NKAIN3: variants seen among roughly 807,000 people sequenced by gnomAD.
NKAIN3 encodes the protein sodium/potassium transporting ATPase interacting 3, also known as sodium/potassium-transporting ATPase subunit beta-1-interacting protein 3.
Under a neutral mutation model 30.2 loss-of-function variants are expected in NKAIN3, and 25 were observed. The observed-to-expected ratio is 0.83, with a 90% CI of 0.60 to 1.16. The LOEUF (loss-of-function observed/expected upper bound fraction) is 1.16, where lower values mean the gene tolerates loss of function less well. Ranked by LOEUF, NKAIN3 falls within the 50% of genes most tolerant of loss-of-function variation. NKAIN3 has a pLI of 0.00. For synonymous variants in NKAIN3, 91 were observed against 89.6 expected, an observed-to-expected ratio of 1.02 and a Z score of -0.09; for missense variants, 225 against 254.1, an observed-to-expected ratio of 0.89 and a Z score of 0.78.
chr8:62,284,133 G>T (rs1020651878), intron 1 of NKAIN3, among the ~76,000 whole-genome samples: 2 of 152,022 alleles, frequency 1.3e-5, no homozygotes, highest in Non-Finnish European at 2.9e-5. Context: ...TCCCAGAAGG[G>T]GTATCAGAGA....
intron 1 of NKAIN3, among the ~76,000 whole-genome samples, chr8:62,513,713 A>G (rs1807885667): frequency 6.6e-6 from 1 of 151,864 alleles, no homozygotes. Flanking sequence ...ACAAAAAAAG[A>G]TACAAAAATT....
chr8:62,380,125 A>G (rs1469238878), intron 1 of NKAIN3, among the ~76,000 whole-genome samples: 1 of 152,218 alleles, frequency 6.6e-6, no homozygotes, highest in South Asian at 2.1e-4. Context: ...CATTGTTAAC[A>G]TGTATTTGTT....
intron 4 of NKAIN3, among the ~76,000 whole-genome samples, chr8:62,904,052 GAC>G (rs1451993088): frequency 6.6e-6 from 1 of 152,166 alleles, no homozygotes; most frequent in East Asian, 1.9e-4. Context: ...TGAACCCTTG[GAC>G]AAAGCTGAGC....
intron 1 of NKAIN3, among the ~76,000 whole-genome samples, chr8:62,578,247 C>T (rs1327748940): frequency 1.3e-5 from 2 of 152,050 alleles, no homozygotes; most frequent in Non-Finnish European, 2.9e-5. Context: ...TTGGTATTCA[C>T]TGGACCATAT....
chr8:62,302,852 T>A (rs144282052), intron 1 of NKAIN3, among the ~76,000 whole-genome samples: 1 of 151,018 alleles, frequency 6.6e-6, no homozygotes, highest in African/African-American at 2.5e-5. Flanking sequence ...AGATTCACAG[T>A]TTGTTTTCTC....
At position 62,968,785 on chromosome 8, in the gene NKAIN3, T is replaced by TG. The variant is rs1197789409; in HGVS notation, c.*3379dup. 6.6e-6 allele frequency among the ~76,000 whole-genome samples: 1 copy of TG among 152,196 alleles called. No homozygotes were observed. The highest frequency in any genetic ancestry group is 1.9e-4 in the East Asian group (1 of 5,198). On this transcript the variant is annotated 3_prime_UTR_variant, in exon 7 of 7. Coordinates refer to ENST00000623646, the MANE Select transcript of NKAIN3 (RefSeq NM_001304533.3). ...GCATCCTTTCTTAAGCGTCTTCTGC[T>TG]GACCTCGTGCAGCACCGCAGGAAGC... is the stretch of plus-strand genomic sequence containing the variant.
At chr8:62,297,939 A>G (rs1391205539) in intron 1 of NKAIN3, among the ~76,000 whole-genome samples, 1 of 152,130 alleles carries the variant, frequency 6.6e-6, no homozygotes, top group Non-Finnish European at 1.5e-5. Flanking sequence ...TCCAACAATG[A>G]TAGACTGGGT....
At chr8:62,515,834 G>T (rs190469787) in intron 1 of NKAIN3, among the ~76,000 whole-genome samples, 57 of 152,082 alleles carry the variant, frequency 3.7e-4, no homozygotes, top group Admixed American at 3.7e-3. Flanking sequence ...CTGAATATTT[G>T]TTCATATACT....
At chr8:62,646,360 G>T (rs1432473726) in intron 3 of NKAIN3, among the ~76,000 whole-genome samples, 1 of 152,146 alleles carries the variant, frequency 6.6e-6, no homozygotes, top group Non-Finnish European at 1.5e-5. Flanking sequence ...ACAGAGCAGA[G>T]AGTTAGGTTT....
At chr8:62,453,858 C>T (rs1423420525) in intron 1 of NKAIN3, among the ~76,000 whole-genome samples, 1 of 151,944 alleles carries the variant, frequency 6.6e-6, no homozygotes, top group Admixed American at 6.6e-5. Flanking sequence ...AGACCAATAA[C>T]AAGTTCTGAA....
At chr8:62,932,995 AACACACAC>A (rs59854103) in intron 5 of NKAIN3, among the ~76,000 whole-genome samples, 3 of 141,790 alleles carry the variant, frequency 2.1e-5, no homozygotes, top group Non-Finnish European at 3.0e-5. Flanking sequence ...TCACTCAATG[AACACACAC>A]ACACACACAC....
Position 62,899,595 on chromosome 8 carries a change from G to A in NKAIN3, c.472-18858G>A, listed in dbSNP as rs185558633. ...GTTACCAGAGGCTGGGAAGGGTAGCGGGAGGGGTTAGAGGAGCTGGGGATG... is the reference window on the plus strand; with the variant it reads ...GTTACCAGAGGCTGGGAAGGGTAGCAGGAGGGGTTAGAGGAGCTGGGGATG... On this transcript the variant is annotated intron_variant, in intron 4 of 6. Transcript: ENST00000623646. Among the ~76,000 whole-genome samples, 32 of 152,210 alleles carry A rather than the reference G, an allele frequency of 2.1e-4. 1 individual carries two copies. The East Asian group carries it at 5.0e-3, about 24-fold the overall frequency.
intron 3 of NKAIN3, among the ~76,000 whole-genome samples, chr8:62,743,918 C>T (rs1316831143): frequency 6.6e-6 from 1 of 152,138 alleles, no homozygotes; most frequent in Non-Finnish European, 1.5e-5. Context: ...CTTATGTCTA[C>T]CTTTAGACAA....
intron 1 of NKAIN3, among the ~76,000 whole-genome samples, chr8:62,562,887 A>C (rs1197768870): frequency 1.3e-5 from 2 of 152,190 alleles, no homozygotes; most frequent in African/African-American, 4.8e-5. Flanking sequence ...ATCACAAATA[A>C]ACATGAGAAA....
At chr8:62,783,222 G>A (rs1400711804) in intron 4 of NKAIN3, among the ~76,000 whole-genome samples, 2 of 152,010 alleles carry the variant, frequency 1.3e-5, no homozygotes, top group African/African-American at 4.8e-5. Context: ...TAAACAGTGG[G>A]GTTTTTAGTA....
chr8:62,924,912 C>T (rs915797666), intron 5 of NKAIN3, among the ~76,000 whole-genome samples: 4 of 152,114 alleles, frequency 2.6e-5, no homozygotes, highest in Non-Finnish European at 5.9e-5. Context: ...TTTATAAGGG[C>T]ACTAACCCAT....
chr8:62,990,239 A>G (rs1563657111), intron 5 of NKAIN3: 1 of 1,545,970 alleles, frequency 6.5e-7, no homozygotes, highest in Non-Finnish European at 8.8e-7. Context: ...AGCAAGAATT[A>G]GTAAGATATT....
At chr8:62,596,508 C>T (rs1211196682) in intron 3 of NKAIN3, among the ~76,000 whole-genome samples, 1 of 152,026 alleles carries the variant, frequency 6.6e-6, no homozygotes, top group Non-Finnish European at 1.5e-5. Context: ...TTAGGAATTC[C>T]CTTTCTCTCC....
Position 62,345,468 on chromosome 8 carries a change from T to C in NKAIN3, c.54+96341T>C, listed in dbSNP as rs1037500890. On this transcript the variant is annotated intron_variant, in intron 1 of 6. Transcript: ENST00000623646. ...ATACACACATATGTATATATACACA[T>C]ATATACACATATATGTATATATACA... Among the ~76,000 whole-genome samples, 146 of 23,812 alleles carry C rather than the reference T, an allele frequency of 6.1e-3. 1 individual carries two copies. Among genetic ancestry groups the C allele is most frequent in the African/African-American group, 0.012 (136 of 11,484 alleles). 15.6% of individuals were successfully genotyped at this position (23,812 alleles called of 152,430 possible).
Sources: gnomAD v4.1 joint callset for allele counts (sites outside exome capture counted in the v4.1 genomes callset) on GRCh38, gnomAD v4.1.1 for gene constraint, MANE v1.5 for transcripts, NCBI Gene and HGNC (gene_info 2026-07-23, HGNC 2026-07-21) for gene names.